The following HPSE2 variants were observed in gnomAD, a reference collection of about 807,000 sequenced individuals.
HPSE2 encodes the protein inactive heparanase-2.
HPSE2 carries 38 observed loss-of-function variants against 60.5 expected under a neutral mutation model. The observed-to-expected ratio is 0.63, with a 90% CI of 0.48 to 0.82. The LOEUF (loss-of-function observed/expected upper bound fraction) is 0.82, where lower values mean the gene tolerates loss of function less well. Among genes scored for constraint, HPSE2 ranks in the 40% least tolerant of loss-of-function variants. HPSE2 has a pLI of 0.00. For missense variants in HPSE2, 713 were observed against 740.4 expected, an observed-to-expected ratio of 0.96 and a Z score of 0.43; for synonymous variants, 295 against 293.2, an observed-to-expected ratio of 1.01 and a Z score of -0.06.
intron 6 of HPSE2, among the ~76,000 whole-genome samples, chr10:98,666,274 A>T (rs986695649): frequency 6.6e-6 from 1 of 152,208 alleles, no homozygotes; most frequent in African/African-American, 2.4e-5. Context: ...ACCCACCCAG[A>T]TTTATAAAAC....
At chr10:98,502,002 A>T (rs1942043239) in intron 9 of HPSE2, among the ~76,000 whole-genome samples, 1 of 152,094 alleles carries the variant, frequency 6.6e-6, no homozygotes, top group Non-Finnish European at 1.5e-5. Context: ...GAAGTGAAAG[A>T]CCTCTACAAG....
At chr10:98,579,069 A>G (rs1202457586) in intron 9 of HPSE2, among the ~76,000 whole-genome samples, 1 of 148,518 alleles carries the variant, frequency 6.7e-6, no homozygotes, top group Admixed American at 6.9e-5. Flanking sequence ...CAATTAGCTT[A>G]TATGTCAGTG....
chr10:98,980,640 G>C (rs1956184387), intron 3 of HPSE2, among the ~76,000 whole-genome samples: 1 of 152,174 alleles, frequency 6.6e-6, no homozygotes, highest in East Asian at 1.9e-4. Context: ...CTGATACACA[G>C]CTGTTGTTAC....
chr10:98,670,699 A>G (rs1947482945), intron 6 of HPSE2, among the ~76,000 whole-genome samples: 1 of 152,228 alleles, frequency 6.6e-6, no homozygotes. Context: ...TTAGAAACCG[A>G]TGTTATTCAT....
At chr10:98,847,572 G>A (rs1029979531) in intron 3 of HPSE2, among the ~76,000 whole-genome samples, 5 of 152,182 alleles carry the variant, frequency 3.3e-5, no homozygotes, top group African/African-American at 1.2e-4. Flanking sequence ...CTATTCTTAG[G>A]CAAAGTGTAA....
intron 6 of HPSE2, among the ~76,000 whole-genome samples, chr10:98,689,787 A>AT (rs1387070428): frequency 6.6e-6 from 1 of 152,152 alleles, no homozygotes; most frequent in Admixed American, 6.5e-5. Context: ...TCAGTTTATG[A>AT]TTTTTTTGGA....
At chr10:98,537,646 C>T (rs982473025) in intron 9 of HPSE2, among the ~76,000 whole-genome samples, 3 of 152,116 alleles carry the variant, frequency 2.0e-5, no homozygotes, top group African/African-American at 7.2e-5. Context: ...GCATAAGGGC[C>T]GCTTGAGGGC....
At chr10:98,908,804 A>G (rs892881410) in intron 3 of HPSE2, among the ~76,000 whole-genome samples, 2 of 151,748 alleles carry the variant, frequency 1.3e-5, no homozygotes, top group South Asian at 2.1e-4. Context: ...AACAAGGGTT[A>G]TTTCTGGGAG....
chr10:98,479,863 C>A (rs551579192), intron 11 of HPSE2, among the ~76,000 whole-genome samples: 1 of 152,270 alleles, frequency 6.6e-6, no homozygotes, highest in South Asian at 2.1e-4. Context: ...TTTATTTCAA[C>A]CATATTTTCC....
At chr10:98,827,777 C>T (rs887527415) in intron 3 of HPSE2, among the ~76,000 whole-genome samples, 1 of 152,142 alleles carries the variant, frequency 6.6e-6, no homozygotes, top group South Asian at 2.1e-4. Context: ...AGGCACATAT[C>T]CGACCACTAT....
At chr10:99,180,077 G>T (rs918601168) in intron 2 of HPSE2, among the ~76,000 whole-genome samples, 1 of 152,120 alleles carries the variant, frequency 6.6e-6, no homozygotes, top group Non-Finnish European at 1.5e-5. Flanking sequence ...GCTGAAACTG[G>T]ACCCCTTCCT....
chr10:99,181,769 C>A (rs1847787868), intron 2 of HPSE2, among the ~76,000 whole-genome samples: 1 of 151,986 alleles, frequency 6.6e-6, no homozygotes, highest in Non-Finnish European at 1.5e-5. Flanking sequence ...AGGAGAAAGA[C>A]CTAATGTAGA....
chr10:99,250,446 A>G, the HPSE2 span, among the ~76,000 whole-genome samples: 3 of 152,250 alleles, frequency 2.0e-5, no homozygotes, highest in Non-Finnish European at 2.9e-5. Context: ...CTATTAGATC[A>G]TTGAGGCACA....
the HPSE2 span, among the ~76,000 whole-genome samples, chr10:99,302,645 T>G: frequency 1.7e-3 from 256 of 152,176 alleles, 2 homozygotes; most frequent in East Asian, 0.036. Flanking sequence ...AACTTTTTCC[T>G]CCCAAGGCTG....
chr10:98,572,847 C>T (rs1486102852), intron 9 of HPSE2, among the ~76,000 whole-genome samples: 1 of 152,204 alleles, frequency 6.6e-6, no homozygotes, highest in African/African-American at 2.4e-5. Context: ...CCTGCCCAGA[C>T]TAAGTGAAGT....
chr10:99,072,566 G>C (rs549870480), intron 3 of HPSE2, among the ~76,000 whole-genome samples: 1 of 152,198 alleles, frequency 6.6e-6, no homozygotes, highest in East Asian at 1.9e-4. Flanking sequence ...CAACATCACT[G>C]ATCATTAGAG....
intron 6 of HPSE2, among the ~76,000 whole-genome samples, chr10:98,685,821 T>A (rs921804433): frequency 1.3e-5 from 2 of 152,214 alleles, no homozygotes; most frequent in Non-Finnish European, 2.9e-5. Flanking sequence ...TATAAGAAAC[T>A]GCCAGATTTT....
intron 9 of HPSE2, among the ~76,000 whole-genome samples, chr10:98,613,989 A>G (rs967446235): frequency 2.6e-5 from 4 of 152,178 alleles, no homozygotes; most frequent in Non-Finnish European, 5.9e-5. Flanking sequence ...TGCTTTTGCC[A>G]TTCTAGTTTA....
chr10:99,204,279 A>G (rs1057049951), intron 2 of HPSE2, among the ~76,000 whole-genome samples: 6 of 152,172 alleles, frequency 3.9e-5, no homozygotes, highest in African/African-American at 1.4e-4. Context: ...CCATGTAACC[A>G]GGTCCCAGGC....
Sources: gnomAD v4.1 joint callset for allele counts (sites outside exome capture counted in the v4.1 genomes callset) on GRCh38, gnomAD v4.1.1 for gene constraint, MANE v1.5 for transcripts, NCBI Gene and HGNC (gene_info 2026-07-23, HGNC 2026-07-21) for gene names.